The following MAP4 variants were observed in gnomAD, a reference collection of about 807,000 sequenced individuals.
The protein encoded by MAP4 is microtubule associated protein 4, also known as microtubule-associated protein 4.
MAP4 carries 76 observed loss-of-function variants against 170.2 expected under a neutral mutation model. The ratio of observed to expected loss-of-function variants is 0.45; its 90% CI spans 0.37 to 0.54. The LOEUF is 0.54. MAP4 is among the 20% of genes least tolerant of loss of function. MAP4 has a pLI of 0.00. For missense variants in MAP4, 2,506 were observed against 2,748.0 expected (o/e 0.91, Z 1.97); for synonymous variants, 909 against 994.5 (o/e 0.91, Z 1.62).
chr3:47,858,618 C>CATT (rs1559780365), intron 17 of MAP4, among the ~76,000 whole-genome samples: 3 of 113,616 alleles, frequency 2.6e-5, no homozygotes, highest in African/African-American at 4.6e-5. Flanking sequence ...TGTGTGTGCG[C>CATT]GTTGTGTGTG....
chr3:47,871,299 T>C lies in MAP4; in HGVS notation c.5942-13A>G, dbSNP rs1269841696. ...TCAGTCTTAATGGCTGTACAAAATA[T>C]ACTTATTAATATAACATTTAACAAA... is the stretch of plus-strand genomic sequence containing the variant. On this transcript the variant is annotated splice_polypyrimidine_tract_variant and intron_variant, in intron 13 of 20. Transcript: ENST00000683076. 1.9e-6 allele frequency: 3 copies of C among 1,600,006 alleles called. No homozygotes were observed. The highest frequency in any genetic ancestry group is 1.7e-5 in the Admixed American group (1 of 59,992).
chr3:47,859,985 G>T (rs931779014), intron 17 of MAP4, among the ~76,000 whole-genome samples: 1 of 152,166 alleles, frequency 6.6e-6, no homozygotes, highest in East Asian at 1.9e-4. Context: ...AGGGAGACAT[G>T]AAGACCTCAT....
intron 1 of MAP4, among the ~76,000 whole-genome samples, chr3:48,027,361 C>G (rs558499514): frequency 6.6e-6 from 1 of 152,204 alleles, no homozygotes; most frequent in South Asian, 2.1e-4. Flanking sequence ...AAACATCTCC[C>G]AACTCCCACC....
At chr3:47,930,740 A>G (rs1016427767) in intron 3 of MAP4, among the ~76,000 whole-genome samples, 1 of 151,658 alleles carries the variant, frequency 6.6e-6, no homozygotes, top group Non-Finnish European at 1.5e-5. Flanking sequence ...CATCCTGGCT[A>G]ACACAGTGAA....
At chr3:48,073,911 G>A (rs922261957) in intron 1 of MAP4, among the ~76,000 whole-genome samples, 7 of 152,066 alleles carry the variant, frequency 4.6e-5, no homozygotes, top group Non-Finnish European at 8.8e-5. Context: ...ATTCCTCAAG[G>A]ATCTAGAACT....
intron 17 of MAP4, among the ~76,000 whole-genome samples, chr3:47,863,955 G>A (rs1576731895): frequency 6.8e-6 from 1 of 146,730 alleles, no homozygotes; most frequent in Non-Finnish European, 1.5e-5. Flanking sequence ...GGTGGGGGGT[G>A]TAATGCTGTT....
chr3:47,856,221 C>T (rs1355105744), intron 18 of MAP4, among the ~76,000 whole-genome samples: 1 of 152,204 alleles, frequency 6.6e-6, no homozygotes, highest in African/African-American at 2.4e-5. Context: ...ACATGGCAGA[C>T]CTCCACGCAC....
chr3:47,882,846 G>A (rs1189418890), intron 10 of MAP4, among the ~76,000 whole-genome samples: 6 of 151,678 alleles, frequency 4.0e-5, no homozygotes, highest in African/African-American at 1.2e-4. Flanking sequence ...TCACTCTGTC[G>A]TCCAGGTTGG....
At chr3:47,997,937 C>T (rs545961193) in intron 2 of MAP4, among the ~76,000 whole-genome samples, 2 of 152,260 alleles carry the variant, frequency 1.3e-5, no homozygotes, top group South Asian at 2.1e-4. Context: ...AACTAAATTC[C>T]TAGTTTAAAA....
chr3:48,007,214 C>T (rs1443050855), intron 1 of MAP4, among the ~76,000 whole-genome samples: 2 of 152,204 alleles, frequency 1.3e-5, no homozygotes, highest in South Asian at 4.1e-4. Flanking sequence ...GAAATAAATC[C>T]GACTAAAATT....
chr3:47,950,866 T>G (rs1001165780), intron 3 of MAP4, among the ~76,000 whole-genome samples: 1 of 152,190 alleles, frequency 6.6e-6, no homozygotes, highest in South Asian at 2.1e-4. Flanking sequence ...CATAGCTGAG[T>G]TGGTCTTGTA....
At chr3:48,017,183 C>G (rs2100108222), upstream of MAP4, among the ~76,000 whole-genome samples, 1 of 152,078 alleles carries the variant, frequency 6.6e-6, no homozygotes, top group African/African-American at 2.4e-5. Context: ...ACAAATGAGG[C>G]TGAGACAAAG....
At chr3:48,006,889 T>A (rs1046317788) in intron 1 of MAP4, among the ~76,000 whole-genome samples, 2 of 152,214 alleles carry the variant, frequency 1.3e-5, no homozygotes, top group African/African-American at 4.8e-5. Context: ...AATTAACACA[T>A]CTCCTGGTAC....
rs2100039878 is a variant in MAP4, at chr3:47,916,967, G to C, written c.860C>G (p.Thr287Arg). 1 of 1,614,118 alleles carries C rather than the reference G, an allele frequency of 6.2e-7. No homozygotes were observed. Among genetic ancestry groups the C allele is most frequent in the African/African-American group, 1.3e-5 (1 of 74,946 alleles). Residue 287 changes from threonine to arginine, a missense_variant, in exon 7 of 21, where the codon ACA (threonine) becomes AGA (arginine). Around this residue, in one of 3 missense-constraint regions of MAP4, gnomAD observed 2,008 missense variants for 2,206.0 expected, o/e 0.91. Coordinates refer to ENST00000683076, the MANE Select transcript of MAP4 (RefSeq NM_001385682.1). ...DMESPTKLDVTLAKDMQPSME... is the reference protein window; with the variant it reads ...DMESPTKLDVRLAKDMQPSME... Reference sequence around the variant, plus strand: ...GGATGGCTGCATGTCCTTGGCCAGTGTCACATCTAATTTGGTGGGTGATTC... The same window carrying C: ...GGATGGCTGCATGTCCTTGGCCAGTCTCACATCTAATTTGGTGGGTGATTC...
At chr3:47,887,325 G>A (rs373181474) in intron 10 of MAP4, among the ~76,000 whole-genome samples, 1 of 152,224 alleles carries the variant, frequency 6.6e-6, no homozygotes, top group Admixed American at 6.5e-5. Flanking sequence ...TGCTGGCCCC[G>A]GGCAATGGGG....
chr3:47,978,000 T>C lies in MAP4; in HGVS notation c.224-67A>G. 2 of 1,002,018 alleles carry C rather than the reference T, an allele frequency of 2.0e-6. 1 individual carries two copies. Among genetic ancestry groups the C allele is most frequent in the South Asian group, 2.6e-5 (2 of 77,312 alleles). The allele number at this position is 1,002,018 out of a possible 1,614,324, so 62.1% of individuals were successfully genotyped here. A position where few individuals can be genotyped will look rare whatever the true frequency, so the allele number is the denominator to read the frequency against. On this transcript the variant is annotated intron_variant, in intron 2 of 20. Transcript: ENST00000683076. ...AAATGAAAAACAGATCCAACCACTG[T>C]CTTATTAATGGAGTTTTTCTCACTC...
At chr3:48,088,553 C>T (rs1409400550) in intron 1 of MAP4, among the ~76,000 whole-genome samples, 7 of 151,842 alleles carry the variant, frequency 4.6e-5, no homozygotes, top group Non-Finnish European at 1.5e-5. Flanking sequence ...AAAGACCCCC[C>T]TAGATCGCGC....
chr3:48,061,318 G>A (rs1016913500), intron 1 of MAP4, among the ~76,000 whole-genome samples: 18 of 148,064 alleles, frequency 1.2e-4, no homozygotes, highest in Non-Finnish European at 2.1e-4. Flanking sequence ...TCAGCCTGCC[G>A]AGTGCCTGCG....
intron 17 of MAP4, among the ~76,000 whole-genome samples, chr3:47,859,092 G>A (rs1459595101): frequency 6.6e-6 from 1 of 152,018 alleles, no homozygotes; most frequent in East Asian, 1.9e-4. Flanking sequence ...TCGTGCCACT[G>A]CACTCCAGCC....
Sources: allele counts gnomAD v4.1 joint callset (sites outside exome capture counted in the v4.1 genomes callset), GRCh38; gene constraint gnomAD v4.1.1; regional missense constraint gnomAD v4.1.1; transcripts MANE v1.5; gene names NCBI Gene and HGNC (gene_info 2026-07-23, HGNC 2026-07-21).